The following KIF26B variants were observed in gnomAD, a reference collection of about 807,000 sequenced individuals.
KIF26B encodes the protein kinesin family member 26B.
A neutral mutation model predicts 151.2 loss-of-function variants in KIF26B; 63 were observed. The observed-to-expected ratio is 0.42, with a 90% CI of 0.34 to 0.51. The LOEUF (loss-of-function observed/expected upper bound fraction) is 0.51. Among genes scored for constraint, KIF26B ranks in the 20% least tolerant of loss-of-function variants. The pLI, the probability that KIF26B is intolerant of heterozygous loss-of-function variation, is 0.07. For synonymous variants in KIF26B, 1,357 were observed against 1,262.1 expected, an observed-to-expected ratio of 1.08 and a Z score of -1.59; for missense variants, 2,813 against 2,913.6, an observed-to-expected ratio of 0.97 and a Z score of 0.79.
intron 6 of KIF26B, among the ~76,000 whole-genome samples, chr1:245,603,564 G>A (rs2043419321): frequency 6.6e-6 from 1 of 152,136 alleles, no homozygotes; most frequent in South Asian, 2.1e-4. Flanking sequence ...ATAGGCACAT[G>A]TCTTTGGGGG....
At chr1:245,659,991 G>C (rs1349698561) in intron 10 of KIF26B, among the ~76,000 whole-genome samples, 1 of 151,950 alleles carries the variant, frequency 6.6e-6, no homozygotes, top group Non-Finnish European at 1.5e-5. Flanking sequence ...GGAGGTTGCA[G>C]TGAGCCGAGA....
rs924153226 is a variant in KIF26B, at chr1:245,708,281, G to A, written c.*5675G>A. On this transcript the variant is annotated 3_prime_UTR_variant, in exon 15 of 15. Coordinates refer to ENST00000407071, the MANE Select transcript of KIF26B (RefSeq NM_018012.4). ...GGGAAGTGCTTTGAAGAAATTAAAGGTCTGTCTAGGAGCTGGGGGTAATCA... is the reference window on the plus strand; with the variant it reads ...GGGAAGTGCTTTGAAGAAATTAAAGATCTGTCTAGGAGCTGGGGGTAATCA... 6.6e-6 allele frequency: 1 copy of A among 152,214 alleles called. No homozygotes were observed. The highest frequency in any genetic ancestry group is 2.4e-5 in the African/African-American group (1 of 41,448). The allele number at this position is 152,214 out of a possible 1,614,324, so 9.4% of individuals were successfully genotyped here.
chr1:245,448,475 G>A (rs1659299297), intron 4 of KIF26B, among the ~76,000 whole-genome samples: 1 of 152,214 alleles, frequency 6.6e-6, no homozygotes, highest in Non-Finnish European at 1.5e-5. Flanking sequence ...CTCCCAAAGT[G>A]CTGGGATTAC....
chr1:245,452,767 C>T (rs1659427735), intron 4 of KIF26B, among the ~76,000 whole-genome samples: 1 of 152,048 alleles, frequency 6.6e-6, no homozygotes, highest in Non-Finnish European at 1.5e-5. Flanking sequence ...AAAGTCTATT[C>T]AAATCCTTCG....
chr1:245,326,960 T>C (rs1381774478), intron 2 of KIF26B, among the ~76,000 whole-genome samples: 1 of 152,130 alleles, frequency 6.6e-6, no homozygotes, highest in Non-Finnish European at 1.5e-5. Flanking sequence ...TTGTTTCCTA[T>C]CGCTTACAGT....
intron 3 of KIF26B, among the ~76,000 whole-genome samples, chr1:245,393,227 A>G (rs926608136): frequency 6.6e-6 from 1 of 152,104 alleles, no homozygotes; most frequent in African/African-American, 2.4e-5. Context: ...CTTTGTAAAA[A>G]CTTCATCTTG....
intron 10 of KIF26B, among the ~76,000 whole-genome samples, chr1:245,678,667 T>C (rs149768374): frequency 2.6e-5 from 4 of 151,936 alleles, no homozygotes; most frequent in African/African-American, 9.7e-5. Flanking sequence ...ATTGAGACCA[T>C]CGTGGCCAAC....
intron 4 of KIF26B, among the ~76,000 whole-genome samples, chr1:245,522,094 C>T (rs949078365): frequency 1.3e-4 from 20 of 152,142 alleles, no homozygotes; most frequent in Middle Eastern, 3.2e-3. Flanking sequence ...TGGTCTCGAT[C>T]TCCTGACCTC....
At position 245,647,679 on chromosome 1, in the gene KIF26B, G is replaced by A. The variant is rs548506566; in HGVS notation, c.2258+1399G>A. Reference sequence around the variant, plus strand: ...TTGTGTAGGAGGAAAAAGTCGGGCAGTGTATTCTATAATTACTGAGATTCA... The same window carrying A: ...TTGTGTAGGAGGAAAAAGTCGGGCAATGTATTCTATAATTACTGAGATTCA... On this transcript the variant is annotated intron_variant, in intron 10 of 14. Transcript: ENST00000407071. Among the ~76,000 whole-genome samples the A allele has an allele frequency of 7.9e-5, 12 of 152,304 alleles. No individual in the cohort carries two copies. The East Asian group carries it at 2.1e-3, about 27-fold the overall frequency.
chr1:245,602,077 A>C lies in KIF26B; in HGVS notation c.1351-500A>C, dbSNP rs907958563. On this transcript the variant is annotated intron_variant, in intron 5 of 14. Coordinates refer to ENST00000407071, the MANE Select transcript of KIF26B (RefSeq NM_018012.4). The surrounding 1 kb of genome is among the most constrained non-coding windows in gnomAD (Gnocchi z 4.5). Reference sequence around the variant, plus strand: ...ACACATTTCGAATGCTGGCCATTAAAAGCAGGCCATTTCACGGTTCTTTAA... The same window carrying C: ...ACACATTTCGAATGCTGGCCATTAACAGCAGGCCATTTCACGGTTCTTTAA... Among the ~76,000 whole-genome samples the C allele has an allele frequency of 2.6e-5, 4 of 152,134 alleles. No homozygotes were observed. The highest frequency in any genetic ancestry group is 9.7e-5 in the African/African-American group (4 of 41,416).
intron 2 of KIF26B, among the ~76,000 whole-genome samples, chr1:245,192,593 C>T (rs1285628328): frequency 1.3e-5 from 2 of 152,180 alleles, no homozygotes; most frequent in Non-Finnish European, 2.9e-5. Context: ...ATCATCTATA[C>T]TGATGACTTT....
intron 4 of KIF26B, among the ~76,000 whole-genome samples, chr1:245,436,466 T>C (rs1658934948): frequency 6.6e-6 from 1 of 152,148 alleles, no homozygotes; most frequent in African/African-American, 2.4e-5. Flanking sequence ...CCCACTGTGG[T>C]GTGCAAAGCT....
intron 10 of KIF26B, among the ~76,000 whole-genome samples, chr1:245,678,251 G>A (rs2044379928): frequency 6.6e-6 from 1 of 152,038 alleles, no homozygotes; most frequent in South Asian, 2.1e-4. Context: ...GTCAGAGGGT[G>A]AATGCAGGGC....
At chr1:245,617,345 A>T (rs952517298) in intron 9 of KIF26B, among the ~76,000 whole-genome samples, 5 of 152,078 alleles carry the variant, frequency 3.3e-5, no homozygotes, top group Non-Finnish European at 7.4e-5. Context: ...TGATCCACCC[A>T]CCTCGGCCTC....
At chr1:245,545,218 C>T (rs567493175) in intron 5 of KIF26B, among the ~76,000 whole-genome samples, 2 of 152,138 alleles carry the variant, frequency 1.3e-5, no homozygotes, top group African/African-American at 4.8e-5. Context: ...TCTCTTGCCT[C>T]AGCCTCCCAA....
intron 1 of KIF26B, among the ~76,000 whole-genome samples, chr1:245,155,746 C>T (rs964118849): frequency 2.0e-5 from 3 of 152,232 alleles, no homozygotes; most frequent in Admixed American, 2.0e-4. Context: ...TCCTGCACTT[C>T]TAGGCAGAGT....
intron 2 of KIF26B, among the ~76,000 whole-genome samples, chr1:245,323,065 G>A (rs572619044): frequency 1.3e-5 from 2 of 152,304 alleles, no homozygotes; most frequent in South Asian, 2.1e-4. Context: ...TTTTGTGTTG[G>A]ACTTCAAGTA....
At position 245,186,091 on chromosome 1, in the gene KIF26B, T is replaced by A. The variant is rs187927691; in HGVS notation, c.465+29408T>A. On this transcript the variant is annotated intron_variant, in intron 2 of 14. Transcript: ENST00000407071. ...GGTTTCACCATGTTGGTCAGGCTGG[T>A]CTCGAACCCCTTACCTCGTGATCCA... is the stretch of plus-strand genomic sequence containing the variant. Among the ~76,000 whole-genome samples the A allele has an allele frequency of 3.3e-5, 5 of 152,286 alleles. No homozygotes were observed. In the East Asian group the frequency reaches 7.7e-4, roughly 24 times the overall value.
intron 4 of KIF26B, among the ~76,000 whole-genome samples, chr1:245,478,529 G>T (rs1251538689): frequency 2.7e-5 from 4 of 148,018 alleles, no homozygotes; most frequent in African/African-American, 9.9e-5. Context: ...CCGGGTTCAC[G>T]CCATTCTCCT....
Sources: gnomAD v4.1 joint callset for allele counts (sites outside exome capture counted in the v4.1 genomes callset) on GRCh38, gnomAD v4.1.1 for gene constraint, Gnocchi (gnomAD v3.1) non-coding constraint, MANE v1.5 for transcripts, NCBI Gene and HGNC (gene_info 2026-07-23, HGNC 2026-07-21) for gene names.